The following PDE4B variants were observed in gnomAD, a reference collection of about 807,000 sequenced individuals.
The protein encoded by PDE4B is phosphodiesterase 4B.
Under a neutral mutation model 82.2 loss-of-function variants are expected in PDE4B, and 20 were observed. That is an observed-to-expected ratio of 0.24 (90% CI 0.17 to 0.35). The LOEUF (loss-of-function observed/expected upper bound fraction) is 0.35. Ranked by LOEUF, PDE4B falls within the 10% of genes least tolerant of loss-of-function variation. PDE4B has a pLI of 1.00. For missense variants in PDE4B, 655 were observed against 907.2 expected (o/e 0.72, Z 3.57); for synonymous variants, 320 against 318.9 (o/e 1.00, Z -0.04).
intron 1 of PDE4B, among the ~76,000 whole-genome samples, chr1:65,845,266 T>C (rs964905077): frequency 1.3e-5 from 2 of 152,188 alleles, no homozygotes; most frequent in Non-Finnish European, 2.9e-5. Context: ...TTGAGAAATA[T>C]ACACTCATTG....
chr1:65,822,872 G>C (rs765179420), intron 1 of PDE4B, among the ~76,000 whole-genome samples: 4 of 152,092 alleles, frequency 2.6e-5, no homozygotes, highest in Non-Finnish European at 5.9e-5. Context: ...TTGATAATTT[G>C]CTCAGTCTGT....
intron 15 of PDE4B, 138 bp downstream of exon 15, chr1:66,368,203 AC>A: frequency 1.3e-6 from 1 of 758,198 alleles, no homozygotes; most frequent in Non-Finnish European, 2.0e-6. Context: ...TATTTTAAGA[AC>A]AAGCTAAGGA....
At chr1:66,149,413 T>C (rs377045807) in intron 3 of PDE4B, among the ~76,000 whole-genome samples, 1 of 152,366 alleles carries the variant, frequency 6.6e-6, no homozygotes, top group East Asian at 1.9e-4. Flanking sequence ...GGATTGTCTT[T>C]TTACTCCCTT....
chr1:66,151,278 G>A (rs1385998017), intron 3 of PDE4B, among the ~76,000 whole-genome samples: 1 of 152,152 alleles, frequency 6.6e-6, no homozygotes, highest in African/African-American at 2.4e-5. Context: ...AGCTGAAGCT[G>A]AAGTGACTCC....
intron 7 of PDE4B, among the ~76,000 whole-genome samples, chr1:66,296,220 T>C (rs1657503844): frequency 6.6e-6 from 1 of 152,168 alleles, no homozygotes; most frequent in South Asian, 2.1e-4. Flanking sequence ...CTATGTCTTA[T>C]TTGATATCCA....
intron 1 of PDE4B, among the ~76,000 whole-genome samples, chr1:65,843,894 A>T (rs1429647576): frequency 6.6e-6 from 1 of 152,218 alleles, no homozygotes; most frequent in Non-Finnish European, 1.5e-5. Flanking sequence ...CTGTTTCCAC[A>T]GTATGACATA....
chr1:65,939,402 C>A (rs1347617426), intron 3 of PDE4B, among the ~76,000 whole-genome samples: 3 of 152,000 alleles, frequency 2.0e-5, no homozygotes, highest in Admixed American at 1.3e-4. Flanking sequence ...ACCATGTAGC[C>A]AAGGTTACCA....
rs1047898128 is a variant in PDE4B at position 65,929,354 on chromosome 1, T to A, written c.281+10519T>A. 3.3e-5 allele frequency among the ~76,000 whole-genome samples: 5 copies of A among 152,270 alleles called. No individual in the cohort carries two copies. The East Asian group carries it at 9.7e-4, about 29-fold the overall frequency. Reference sequence around the variant, plus strand: ...TCTGGCAAAAAAGATTCATCAGAGTTTACAAATTCAGTATCCCCAGCTTCA... The same window carrying A: ...TCTGGCAAAAAAGATTCATCAGAGTATACAAATTCAGTATCCCCAGCTTCA... On this transcript the variant is annotated intron_variant, in intron 3 of 16. Transcript: ENST00000341517.
intron 1 of PDE4B, among the ~76,000 whole-genome samples, chr1:65,816,190 A>AGTGT (rs139330007): frequency 0.13 from 17,790 of 132,690 alleles, 1,648 homozygotes; most frequent in East Asian, 0.3. Flanking sequence ...TTATTAATGC[A>AGTGT]GTGTGTGTGT....
In PDE4B at chr1:66,334,859, C is replaced by T. The variant is rs144840611; in HGVS notation, c.747+2239C>T. ...TGGTGGCTCACGCCTGTAATCCCAG[C>T]ACTTTGGGAGGTCGAGGCAGCACTT... On this transcript the variant is annotated intron_variant, in intron 8 of 16. Transcript: ENST00000341517. 6.8e-4 allele frequency among the ~76,000 whole-genome samples: 104 copies of T among 152,270 alleles called. 1 individual carries two copies. In the East Asian group the frequency reaches 0.019, roughly 28 times the overall value.
At chr1:66,152,588 A>ATGTG (rs565977541) in intron 3 of PDE4B, 121 of 213,738 alleles carry the variant, frequency 5.7e-4, no homozygotes, top group Admixed American at 5.2e-3. Flanking sequence ...GTGCATATAT[A>ATGTG]TGTGTGTGTG....
intron 3 of PDE4B, among the ~76,000 whole-genome samples, chr1:66,132,079 A>G (rs35624449): frequency 0.17 from 25,759 of 152,126 alleles, 2,758 homozygotes; most frequent in East Asian, 0.42. Flanking sequence ...GGGCTAGGAA[A>G]GAGAATTTGG....
intron 3 of PDE4B, among the ~76,000 whole-genome samples, chr1:66,247,230 G>C (rs1653386633): frequency 6.6e-6 from 1 of 152,120 alleles, no homozygotes; most frequent in Non-Finnish European, 1.5e-5. Flanking sequence ...GCTAATGGTG[G>C]GCATGGGTAA....
intron 4 of PDE4B, among the ~76,000 whole-genome samples, chr1:66,255,946 CT>C (rs1270854218): frequency 6.6e-6 from 1 of 152,194 alleles, no homozygotes; most frequent in East Asian, 1.9e-4. Flanking sequence ...GGGCCGATTG[CT>C]TGAGCCCAGG....
intron 3 of PDE4B, among the ~76,000 whole-genome samples, chr1:66,044,074 T>C (rs1176164213): frequency 2.0e-5 from 3 of 151,688 alleles, no homozygotes. Flanking sequence ...TGTCATCTAA[T>C]TTTTTATCAC....
intron 3 of PDE4B, among the ~76,000 whole-genome samples, chr1:66,156,592 GA>G (rs1224644635): frequency 4.8e-5 from 7 of 145,290 alleles, no homozygotes; most frequent in South Asian, 4.4e-4. Flanking sequence ...TTCCCCATCA[GA>G]AAAAAAAAAC....
intron 15 of PDE4B, 132 bp from the exon 16 acceptor site, chr1:66,368,655 C>T: frequency 1.7e-6 from 1 of 575,890 alleles, no homozygotes; most frequent in Non-Finnish European, 2.7e-6. Flanking sequence ...TTTTTCGGTG[C>T]ATATGTCATA....
intron 3 of PDE4B, among the ~76,000 whole-genome samples, chr1:66,099,237 T>G (rs780217036): frequency 2.0e-5 from 3 of 152,076 alleles, no homozygotes; most frequent in Non-Finnish European, 4.4e-5. Flanking sequence ...TCTGTTCCTG[T>G]GTTAGTTTGC....
intron 3 of PDE4B, among the ~76,000 whole-genome samples, chr1:65,946,417 T>C (rs1648715697): frequency 6.6e-6 from 1 of 152,012 alleles, no homozygotes; most frequent in South Asian, 2.1e-4. Context: ...ATGTCTACTA[T>C]GGCTGATTTC....
Sources: allele counts gnomAD v4.1 joint callset (sites outside exome capture counted in the v4.1 genomes callset), GRCh38; gene constraint gnomAD v4.1.1; transcripts MANE v1.5; gene names NCBI Gene and HGNC (gene_info 2026-07-23, HGNC 2026-07-21).